The following CDNF variants were observed in gnomAD, a reference collection of about 807,000 sequenced individuals.
CDNF encodes cerebral dopamine neurotrophic factor.
Under a neutral mutation model 14.8 loss-of-function variants are expected in CDNF, and 9 were observed. The observed-to-expected ratio is 0.61, with a 90% CI of 0.37 to 1.06. The LOEUF (loss-of-function observed/expected upper bound fraction) is 1.06. Among genes scored for constraint, CDNF ranks in the 50% least tolerant of loss-of-function variants. CDNF has a pLI of 0.01. For synonymous variants in CDNF, 86 were observed against 87.2 expected, an observed-to-expected ratio of 0.99 and a Z score of 0.07; for missense variants, 228 against 228.4, an observed-to-expected ratio of 1.00 and a Z score of 0.01.
intron 1 of CDNF, among the ~76,000 whole-genome samples, chr10:14,833,898 CAGTGTTAAA>C (rs1237342081): frequency 2.0e-5 from 3 of 152,078 alleles, no homozygotes; most frequent in Non-Finnish European, 4.4e-5. Context: ...CAAGTGAACA[CAGTGTTAAA>C]AGGAATGTGT....
At chr10:14,825,645 G>A in intron 2 of CDNF, 25 bp from the exon 3 acceptor site, 1 of 1,611,174 alleles carries the variant, frequency 6.2e-7, no homozygotes. Context: ...AGAGAATTGA[G>A]TGTTCCAGAC....
chr10:14,838,006 A>G lies in CDNF; in HGVS notation c.-60T>C, dbSNP rs1280443591. 1.1e-5 allele frequency: 14 copies of G among 1,282,166 alleles called. No individual in the cohort carries two copies. Among genetic ancestry groups the G allele is most frequent in the Non-Finnish European group, 1.5e-5 (14 of 910,370 alleles). The allele number at this position is 1,282,166 out of a possible 1,614,324, so 79.4% of individuals were successfully genotyped here. On this transcript the variant is annotated 5_prime_UTR_variant, in exon 1 of 4. Transcript: ENST00000465530. ...GCGCCCACCGCCCACCAAGCTGCCA[A>G]AGCGAGCTGAGCAGAATTCGAGGTT... is the stretch of plus-strand genomic sequence containing the variant.
chr10:14,830,821 G>C (rs1833838426), intron 1 of CDNF, among the ~76,000 whole-genome samples: 2 of 152,140 alleles, frequency 1.3e-5, no homozygotes, highest in Non-Finnish European at 2.9e-5. Context: ...ACTCCAGTCT[G>C]GGCGACAAGA....
intron 1 of CDNF, among the ~76,000 whole-genome samples, chr10:14,829,485 G>A (rs1370984940): frequency 6.6e-6 from 1 of 152,166 alleles, no homozygotes; most frequent in Admixed American, 6.5e-5. Flanking sequence ...AGGCTAAAAT[G>A]GGAGGCTTGT....
Position 14,819,978 on chromosome 10 carries a change from G to A in CDNF, c.*2C>T, listed in dbSNP as rs112164059. On this transcript the variant is annotated 3_prime_UTR_variant, in exon 4 of 4. Coordinates refer to ENST00000465530, the MANE Select transcript of CDNF (RefSeq NM_001029954.3). ...AAGTCACAAATGTGCTGGCATTGGA[G>A]ATCAGAGCTCTGTTTTGGGGTGTGT... 185 of 1,612,088 alleles carry A rather than the reference G, an allele frequency of 1.1e-4. No homozygotes were observed. The African/African-American group carries it at 2.2e-3, about 19-fold the overall frequency.
chr10:14,830,207 C>G (rs753899145), intron 1 of CDNF, among the ~76,000 whole-genome samples: 1 of 152,014 alleles, frequency 6.6e-6, no homozygotes, highest in South Asian at 2.1e-4. Flanking sequence ...AAGTGAGGGA[C>G]GTTTTGTTGT....
chr10:14,823,436 T>A (rs1020134393), intron 3 of CDNF, among the ~76,000 whole-genome samples: 2 of 152,216 alleles, frequency 1.3e-5, no homozygotes, highest in African/African-American at 2.4e-5. Context: ...CCCTGTAAGA[T>A]CCCTAGGATA....
chr10:14,819,886 G>A lies in CDNF; in HGVS notation c.*94C>T, dbSNP rs1026744335. ...ACACAAAAAGCATGAGACCAAATATGATGCATTCCCAGTTATCCTTAATCA... is the reference window on the plus strand; with the variant it reads ...ACACAAAAAGCATGAGACCAAATATAATGCATTCCCAGTTATCCTTAATCA... On this transcript the variant is annotated 3_prime_UTR_variant, in exon 4 of 4. Coordinates refer to ENST00000465530, the MANE Select transcript of CDNF (RefSeq NM_001029954.3). 85 of 1,240,784 alleles carry A rather than the reference G, an allele frequency of 6.9e-5. No individual in the cohort carries two copies. The highest frequency in any genetic ancestry group is 9.2e-5 in the Non-Finnish European group (82 of 890,462). 76.9% of individuals were successfully genotyped at this position (1,240,784 alleles called of 1,614,324 possible).
chr10:14,837,958 A>G lies in CDNF; in HGVS notation c.-12T>C. ...CTCGCGCACCACATGCTGGGCCAGC[A>G]GCTTCAATCGCCTCCGCCACCCGCG... On this transcript the variant is annotated 5_prime_UTR_variant, in exon 1 of 4. Transcript: ENST00000465530. The G allele has an allele frequency of 1.3e-6, 2 of 1,574,256 alleles. No homozygotes were observed.
intron 2 of CDNF, among the ~76,000 whole-genome samples, chr10:14,826,035 A>AAGAAGAAGG (rs1833779922): frequency 1.8e-5 from 1 of 56,804 alleles, no homozygotes; most frequent in Non-Finnish European, 3.8e-5. Flanking sequence ...GAAGGAGAAG[A>AAGAAGAAGG]AGAAGAAGAA....
chr10:14,831,621 T>C (rs1690600574), intron 1 of CDNF, among the ~76,000 whole-genome samples: 1 of 151,966 alleles, frequency 6.6e-6, no homozygotes, highest in Non-Finnish European at 1.5e-5. Flanking sequence ...TTGCCTAGGC[T>C]AGAGTGCAGT....
chr10:14,832,568 T>C (rs1833852192), intron 1 of CDNF, among the ~76,000 whole-genome samples: 1 of 152,156 alleles, frequency 6.6e-6, no homozygotes, highest in African/African-American at 2.4e-5. Context: ...AGCTGACCAG[T>C]TTAGAGGTTC....
intron 3 of CDNF, among the ~76,000 whole-genome samples, chr10:14,821,271 C>T (rs1189100037): frequency 6.6e-6 from 1 of 152,032 alleles, no homozygotes; most frequent in Non-Finnish European, 1.5e-5. Flanking sequence ...ATTACAGGCA[C>T]CCACCATCAT....
chr10:14,826,471 A>AAGAAGACGAAGC (rs1258389314), intron 2 of CDNF, among the ~76,000 whole-genome samples: 2,134 of 139,596 alleles, frequency 0.015, 61 homozygotes, highest in African/African-American at 0.06. Context: ...AAAGAAGCAG[A>AAGAAGACGAAGC]AGAAGAAGAA....
At chr10:14,837,212 C>G (rs1181721297) in intron 1 of CDNF, among the ~76,000 whole-genome samples, 1 of 152,164 alleles carries the variant, frequency 6.6e-6, no homozygotes, top group African/African-American at 2.4e-5. Context: ...TTGCAAAAAC[C>G]AAAGTCTCAG....
At chr10:14,820,740 A>T (rs1485319139) in intron 3 of CDNF, among the ~76,000 whole-genome samples, 1 of 152,146 alleles carries the variant, frequency 6.6e-6, no homozygotes, top group Non-Finnish European at 1.5e-5. Flanking sequence ...TCAAAAAAAA[A>T]ATACAAACAA....
At chr10:14,825,247 C>T (rs192682760) in intron 3 of CDNF, among the ~76,000 whole-genome samples, 1 of 152,256 alleles carries the variant, frequency 6.6e-6, no homozygotes, top group African/African-American at 2.4e-5. Context: ...TGAGCCACCG[C>T]GCCAGGCCTC....
At chr10:14,830,339 A>T (rs908331616) in intron 1 of CDNF, among the ~76,000 whole-genome samples, 1 of 152,236 alleles carries the variant, frequency 6.6e-6, no homozygotes, top group African/African-American at 2.4e-5. Flanking sequence ...TTCTTTAAAC[A>T]TAAAAAAACA....
intron 3 of CDNF, among the ~76,000 whole-genome samples, chr10:14,821,602 T>C (rs937819118): frequency 1.3e-5 from 2 of 152,216 alleles, no homozygotes; most frequent in Non-Finnish European, 2.9e-5. Context: ...GAACCCCTCC[T>C]GCACAGGTAC....
Sources: gnomAD v4.1 joint callset for allele counts (sites outside exome capture counted in the v4.1 genomes callset) on GRCh38, gnomAD v4.1.1 for gene constraint, MANE v1.5 for transcripts, NCBI Gene and HGNC (gene_info 2026-07-23, HGNC 2026-07-21) for gene names.